DMD: variants seen among roughly 807,000 people sequenced by gnomAD.
DMD encodes dystrophin.
In DMD, 63 loss-of-function variants were observed where a neutral mutation model predicts 330.1. The observed-to-expected ratio is 0.19, with a 90% confidence interval of 0.16 to 0.24. The LOEUF is 0.24. Ranked by LOEUF, DMD falls within the 10% of genes least tolerant of loss-of-function variation. The pLI, the probability that DMD is intolerant of heterozygous loss-of-function variation, is 1.00. For synonymous variants in DMD, 1,223 were observed against 959.8 expected, an observed-to-expected ratio of 1.27 and a Z score of -5.07; for missense variants, 3,344 against 2,684.1, an observed-to-expected ratio of 1.25 and a Z score of -5.43.
intron 55 of DMD, among the ~76,000 whole-genome samples, chrX:31,610,599 T>G (rs765552495): frequency 8.9e-6 from 1 of 112,299 alleles, no homozygotes; most frequent in South Asian, 3.7e-4. Flanking sequence ...TTGATTATAA[T>G]GAAACATGTT....
rs1401831650 is a variant in DMD, at chrX:31,306,022, C to T, written c.9224+17576G>A. Among the ~76,000 whole-genome samples the T allele has an allele frequency of 4.5e-5, 5 of 112,009 alleles. No individual in the cohort carries two copies. The East Asian group carries it at 1.4e-3, about 31-fold the overall frequency. On this transcript the variant is annotated intron_variant, in intron 62 of 78. Transcript: ENST00000357033. ...TTGTTTGAAATTGTATATATTTGAACTACCTTAAAAGATAATCAGAGGAAG... is the reference window on the plus strand; with the variant it reads ...TTGTTTGAAATTGTATATATTTGAATTACCTTAAAAGATAATCAGAGGAAG...
intron 47 of DMD, among the ~76,000 whole-genome samples, chrX:31,922,690 G>A (rs2094711195): frequency 2.7e-5 from 3 of 111,320 alleles, no homozygotes; most frequent in African/African-American, 9.8e-5. Flanking sequence ...CCACAAATTT[G>A]GTCATAAAAG....
intron 7 of DMD, among the ~76,000 whole-genome samples, chrX:32,702,110 G>T (rs2064190818): frequency 9.0e-6 from 1 of 111,622 alleles, no homozygotes; most frequent in African/African-American, 3.2e-5. Flanking sequence ...GTATTTTAAT[G>T]GATTATCCAG....
intron 49 of DMD, among the ~76,000 whole-genome samples, chrX:31,820,550 A>G (rs1603480264): frequency 8.9e-6 from 1 of 112,043 alleles, no homozygotes; most frequent in South Asian, 3.7e-4. Context: ...CCCTTCAAAG[A>G]AAGACTCTTG....
intron 1 of DMD, among the ~76,000 whole-genome samples, chrX:33,124,495 A>AC (rs2095447646): frequency 1.9e-5 from 2 of 105,862 alleles, no homozygotes; most frequent in African/African-American, 6.9e-5. Flanking sequence ...AAAAAAAAAA[A>AC]AAAAAAAAAA....
intron 13 of DMD, among the ~76,000 whole-genome samples, chrX:32,590,481 T>A (rs372144654): frequency 9.0e-6 from 1 of 111,534 alleles, no homozygotes; most frequent in Admixed American, 9.5e-5. Flanking sequence ...TGTGGACCAG[T>A]GGACTGGGAG....
At chrX:31,911,712 A>G (rs1483308927) in intron 47 of DMD, among the ~76,000 whole-genome samples, 1 of 111,689 alleles carries the variant, frequency 9.0e-6, no homozygotes, top group Non-Finnish European at 1.9e-5. Flanking sequence ...TGGTTCAAGA[A>G]GTTTTTCAAA....
rs769135637 is a variant in DMD at position 31,262,181 on chromosome X, A to C, written c.9225-1165T>G. 2.7e-5 allele frequency among the ~76,000 whole-genome samples: 3 copies of C among 112,416 alleles called. No individual in the cohort carries two copies. The South Asian group carries it at 1.1e-3, about 42-fold the overall frequency. On this transcript the variant is annotated intron_variant, in intron 62 of 78. Coordinates refer to ENST00000357033, the MANE Select transcript of DMD (RefSeq NM_004006.3). ...AAGGATTAGTTGAAATAGGTAAGTGACCGGCACCATTTGGTGCTCAATATG... is the reference window on the plus strand; with the variant it reads ...AAGGATTAGTTGAAATAGGTAAGTGCCCGGCACCATTTGGTGCTCAATATG...
chrX:32,160,714 GTTTTTTTGA>G (rs909605850), intron 44 of DMD, among the ~76,000 whole-genome samples: 1 of 110,831 alleles, frequency 9.0e-6, no homozygotes, highest in Admixed American at 9.7e-5. Context: ...AACATGAAAG[GTTTTTTTGA>G]TGTAGTTTTG....
rs749432397 is a variant in DMD, at chrX:31,200,751, G to A, written c.9807+3210C>T. Among the ~76,000 whole-genome samples the A allele has an allele frequency of 2.7e-5, 3 of 111,147 alleles. No individual in the cohort carries two copies. The East Asian group carries it at 8.4e-4, about 31-fold the overall frequency. ...TGCTTTTCTCTAAAACTAGTATGAG[G>A]GCAATAAGACCAATGAAAAGGACTG... On this transcript the variant is annotated intron_variant, in intron 67 of 78. Coordinates refer to ENST00000357033, the MANE Select transcript of DMD (RefSeq NM_004006.3).
In DMD at chrX:31,343,506, T is replaced by A. The variant is rs1179030009; in HGVS notation, c.9163+5050A>T. ...GGAAGAAACAGTGAATTCTTTTTTT[T>A]AGTAAAAGGCTGCCTCTGTCTTCTG... On this transcript the variant is annotated intron_variant, in intron 61 of 78. Coordinates refer to ENST00000357033, the MANE Select transcript of DMD (RefSeq NM_004006.3). Among the ~76,000 whole-genome samples, 4 of 111,193 alleles carry A rather than the reference T, an allele frequency of 3.6e-5. No homozygotes were observed. The East Asian group carries it at 8.4e-4, about 23-fold the overall frequency.
intron 43 of DMD, among the ~76,000 whole-genome samples, chrX:32,252,025 T>C (rs2148173194): frequency 9.0e-6 from 1 of 111,194 alleles, no homozygotes; most frequent in South Asian, 3.8e-4. Context: ...AAAACAAAAT[T>C]TAAGAATCAA....
intron 2 of DMD, among the ~76,000 whole-genome samples, chrX:32,878,151 G>T (rs5972701): frequency 0.1 from 11,460 of 111,407 alleles, 458 homozygotes; most frequent in Middle Eastern, 0.15. Context: ...CGAGGAGGGC[G>T]GATCACGAGG....
intron 51 of DMD, among the ~76,000 whole-genome samples, chrX:31,767,649 C>T (rs749907278): frequency 2.7e-5 from 3 of 111,645 alleles, no homozygotes; most frequent in Non-Finnish European, 5.7e-5. Context: ...TTTTGTATTG[C>T]TTTTAGTTTA....
intron 9 of DMD, among the ~76,000 whole-genome samples, chrX:32,697,406 T>A (rs2063736711): frequency 8.9e-6 from 1 of 112,076 alleles, no homozygotes; most frequent in Non-Finnish European, 1.9e-5. Context: ...TATATTTTTC[T>A]TACATAGAAT....
At chrX:31,884,006 C>T (rs1361054384) in intron 47 of DMD, among the ~76,000 whole-genome samples, 1 of 110,845 alleles carries the variant, frequency 9.0e-6, no homozygotes, top group Non-Finnish European at 1.9e-5. Flanking sequence ...AAGTGTTGGC[C>T]AGAATGTGGA....
At chrX:31,565,770 C>T (rs1341719591) in intron 55 of DMD, among the ~76,000 whole-genome samples, 1 of 112,198 alleles carries the variant, frequency 8.9e-6, no homozygotes, top group East Asian at 2.8e-4. Flanking sequence ...CACATCCTTG[C>T]TAGCATCTGG....
chrX:33,219,513 A>G (rs1214055979), intron 1 of DMD, among the ~76,000 whole-genome samples: 1 of 109,651 alleles, frequency 9.1e-6, no homozygotes, highest in Non-Finnish European at 1.9e-5. Flanking sequence ...TAGACAATGA[A>G]GCCCATGGCA....
chrX:31,565,759 C>A (rs946945824), intron 55 of DMD, among the ~76,000 whole-genome samples: 2 of 112,144 alleles, frequency 1.8e-5, no homozygotes, highest in Admixed American at 9.5e-5. Flanking sequence ...TCCATTTTCT[C>A]CACATCCTTG....
Sources: gnomAD v4.1 joint callset for allele counts (sites outside exome capture counted in the v4.1 genomes callset) on GRCh38, gnomAD v4.1.1 for gene constraint, MANE v1.5 for transcripts, NCBI Gene and HGNC (gene_info 2026-07-23, HGNC 2026-07-21) for gene names.